NCF2: variants seen among roughly 807,000 people sequenced by gnomAD.
NCF2 encodes the protein neutrophil cytosol factor 2.
NCF2 carries 45 observed loss-of-function variants against 70.9 expected under a neutral mutation model. The ratio of observed to expected loss-of-function variants is 0.63; its 90% CI spans 0.50 to 0.81. NCF2 has a LOEUF of 0.81. Ranked by LOEUF, NCF2 falls within the 40% of genes least tolerant of loss-of-function variation. The probability of loss-of-function intolerance (pLI) is 0.00; values close to 1 mark genes in which losing one functional copy is unlikely to be tolerated. For missense variants in NCF2, 522 were observed against 631.6 expected (o/e 0.83, Z 1.86); for synonymous variants, 203 against 233.6 (o/e 0.87, Z 1.19).
At chr1:183,556,462 T>G (rs1324559980) in intron 14 of NCF2, among the ~76,000 whole-genome samples, 2 of 152,220 alleles carry the variant, frequency 1.3e-5, no homozygotes, top group Non-Finnish European at 2.9e-5. Flanking sequence ...AATTATGTTT[T>G]TCAAAAAGTT....
At chr1:183,561,359 C>T (rs1467331756) in intron 13 of NCF2, among the ~76,000 whole-genome samples, 3 of 152,154 alleles carry the variant, frequency 2.0e-5, no homozygotes, top group Non-Finnish European at 4.4e-5. Flanking sequence ...AGAGAGTCCA[C>T]AGAGAAAGGT....
chr1:183,560,679 G>A (rs758240915), intron 13 of NCF2, among the ~76,000 whole-genome samples: 14 of 152,250 alleles, frequency 9.2e-5, no homozygotes, highest in Non-Finnish European at 1.6e-4. Flanking sequence ...GATCTGACAG[G>A]AGGCAGAGCT....
Position 183,573,215 on chromosome 1 carries a change from C to T in NCF2, c.579G>A (p.Leu193=). 2 of 1,614,158 alleles carry T rather than the reference C, an allele frequency of 1.2e-6. No homozygotes were observed. The highest frequency in any genetic ancestry group is 1.1e-5 in the South Asian group (1 of 91,086). The change falls in exon 5 of 15, where the codon CTG becomes CTA. Residue 193 remains leucine (L), a synonymous_variant. Coordinates refer to ENST00000367535, the MANE Select transcript of NCF2 (RefSeq NM_000433.4). ...CCTTGCCTAGGTAATCCTTCTTGGC[C>T]AGCTGAGCCACTTGTCTCTCATTTG... ...FRPNERQVAQ[L]AKKDYLGKAT... is the part of the protein sequence containing the mutation.
rs766232480 is a variant in NCF2, at chr1:183,567,341, G to A, written c.718C>T (p.Leu240=). ...AGCACACGGTGAGCCTCCCCTTCCA[G>A]AGCCCTGCAGAGGATAGACACAAGA... ...RPKTPEIFRA[L]EGEAHRVLFG... The change falls in exon 8 of 15, where the codon CTG becomes TTG. Residue 240 remains leucine, a synonymous_variant. Coordinates refer to ENST00000367535, the MANE Select transcript of NCF2 (RefSeq NM_000433.4). 1.2e-6 allele frequency: 2 copies of A among 1,614,018 alleles called. No homozygotes were observed. The highest frequency in any genetic ancestry group is 1.7e-6 in the Non-Finnish European group (2 of 1,180,030).
intron 2 of NCF2, 27 bp downstream of exon 2, chr1:183,586,868 C>T (rs1045393455): frequency 1.2e-6 from 2 of 1,602,842 alleles, no homozygotes; most frequent in African/African-American, 1.3e-5. Flanking sequence ...TGAAATCCTC[C>T]AGTTGGTGCA....
At chr1:183,595,308 T>TTGTTCAGCAATGCTATTGAAAGC (rs1673745754), upstream of NCF2, among the ~76,000 whole-genome samples, 1 of 152,174 alleles carries the variant, frequency 6.6e-6, no homozygotes, top group South Asian at 2.1e-4. Context: ...AGGGGTCCTG[T>TTGTTCAGCAATGCTATTGAAAGC]TGTTCAGCAA....
intron 11 of NCF2, chr1:183,563,798 G>A (rs1672185626): frequency 1.2e-6 from 1 of 809,950 alleles, no homozygotes; most frequent in Non-Finnish European, 2.1e-6. Flanking sequence ...GTAAGATCTG[G>A]CCCACTAGCT....
At chr1:183,599,442 CTT>C in the NCF2 span, among the ~76,000 whole-genome samples, 1 of 96,528 alleles carries the variant, frequency 1.0e-5, no homozygotes, top group Non-Finnish European at 2.3e-5. Context: ...TTCTTTCTTT[CTT>C]TCTTTCTTTC....
chr1:183,579,961 G>A (rs187815708), intron 2 of NCF2, among the ~76,000 whole-genome samples: 31 of 152,092 alleles, frequency 2.0e-4, no homozygotes, highest in African/African-American at 5.3e-4. Context: ...TTAAAGCTCC[G>A]TGCCATATAA....
At chr1:183,564,249 TAGGGAGCCTATAGGTAA>T (rs1672208795) in intron 10 of NCF2, among the ~76,000 whole-genome samples, 1 of 152,066 alleles carries the variant, frequency 6.6e-6, no homozygotes, top group Admixed American at 6.6e-5. Flanking sequence ...TCTCTGCTTC[TAGGGAGCCTATAGGTAA>T]TTACCAAAGG....
Position 183,566,939 on chromosome 1 carries a change from TG to T in NCF2, c.904del (p.His302ThrfsTer43), listed in dbSNP as rs777621636. 25 of 1,613,868 alleles carry T rather than the reference TG, an allele frequency of 1.5e-5. No homozygotes were observed. Among genetic ancestry groups the T allele is most frequent in the Non-Finnish European group, 2.0e-5 (24 of 1,180,028 alleles). On this transcript the variant is annotated frameshift_variant, in exon 9 of 15. Coordinates refer to ENST00000367535, the MANE Select transcript of NCF2 (RefSeq NM_000433.4). LOFTEE classifies it high-confidence loss of function. Reference sequence around the variant, plus strand: ...CATTACCTGGGGCTGCTGCTGAGGGTGGATCCGCAGCTCAACTGGTTCAAGG... The same window carrying T: ...CATTACCTGGGGCTGCTGCTGAGGGTGATCCGCAGCTCAACTGGTTCAAGG... ...NYLEPVELRI[H>X]PQQQPQEESS...
chr1:183,575,979 C>A lies in NCF2; in HGVS notation c.367-1358G>T, dbSNP rs181583220. The stretch of plus-strand genomic sequence containing the variant: ...GTTGGCTTCTCCAGCCCACTCCTGA[C>A]CTTGTGTGCAGAAAGAAAGAACTCA... On this transcript the variant is annotated intron_variant, in intron 3 of 14. Coordinates refer to ENST00000367535, the MANE Select transcript of NCF2 (RefSeq NM_000433.4). 9.3e-4 allele frequency among the ~76,000 whole-genome samples: 141 copies of A among 152,326 alleles called. 1 individual carries two copies. The Middle Eastern group carries it at 0.02, about 22-fold the overall frequency.
At chr1:183,563,412 C>T in intron 12 of NCF2, 22 bp downstream of exon 12, 4 of 1,614,210 alleles carry the variant, frequency 2.5e-6, no homozygotes, top group South Asian at 1.1e-5. Flanking sequence ...GTACCCCTCA[C>T]AGCTGCCTGC....
At chr1:183,582,898 A>G (rs1673178030) in intron 2 of NCF2, among the ~76,000 whole-genome samples, 1 of 152,168 alleles carries the variant, frequency 6.6e-6, no homozygotes, top group Non-Finnish European at 1.5e-5. Context: ...CCTTTTCAGA[A>G]ATGTGCTCTA....
chr1:183,595,873 C>T (rs777384685), upstream of NCF2, among the ~76,000 whole-genome samples: 1 of 152,150 alleles, frequency 6.6e-6, no homozygotes, highest in Non-Finnish European at 1.5e-5. Flanking sequence ...ACAGGTCTCT[C>T]CCACTCAAGG....
chr1:183,566,538 C>G (rs1200591196), intron 9 of NCF2, among the ~76,000 whole-genome samples: 3 of 152,232 alleles, frequency 2.0e-5, no homozygotes, highest in Non-Finnish European at 2.9e-5. Flanking sequence ...GCAACTGCAG[C>G]TGGCCTCATT....
chr1:183,586,562 C>T (rs1345396581), intron 2 of NCF2, among the ~76,000 whole-genome samples: 3 of 152,166 alleles, frequency 2.0e-5, no homozygotes, highest in Non-Finnish European at 4.4e-5. Flanking sequence ...CATTCTGTGA[C>T]AGCTCAGTAC....
At chr1:183,599,478 CTTTCTCT>C in the NCF2 span, among the ~76,000 whole-genome samples, 9 of 125,280 alleles carry the variant, frequency 7.2e-5, no homozygotes, top group East Asian at 2.3e-4. Flanking sequence ...TTCTTTCTTT[CTTTCTCT>C]TTTCTTTCTT....
chr1:183,592,003 T>A (rs569044791), upstream of NCF2, among the ~76,000 whole-genome samples: 1 of 152,150 alleles, frequency 6.6e-6, no homozygotes, highest in Non-Finnish European at 1.5e-5. Context: ...AAAGTAAAAA[T>A]CAGTAAAACC....
Sources: allele counts gnomAD v4.1 joint callset (sites outside exome capture counted in the v4.1 genomes callset), GRCh38; gene constraint gnomAD v4.1.1; transcripts MANE v1.5; gene names NCBI Gene and HGNC (gene_info 2026-07-23, HGNC 2026-07-21).